Variants in AIM2 observed in about 807,000 individuals in gnomAD.
The protein encoded by AIM2 is interferon-inducible protein AIM2.
Under a neutral mutation model 27.7 loss-of-function variants are expected in AIM2, and 30 were observed. The observed-to-expected ratio is 1.08, with a 90% CI of 0.81 to 1.47. AIM2 has a LOEUF of 1.47. Among genes scored for constraint, AIM2 ranks in the 40% most tolerant of loss-of-function variants. The pLI is 0.00. For synonymous variants in AIM2, 141 were observed against 145.3 expected (o/e 0.97, Z 0.21); for missense variants, 358 against 411.3 (o/e 0.87, Z 1.12).
chr1:159,115,808 C>A (rs1189240801), intron 1 of AIM2, among the ~76,000 whole-genome samples: 6 of 152,076 alleles, frequency 3.9e-5, no homozygotes, highest in Non-Finnish European at 8.8e-5. Flanking sequence ...AAAGCAATGG[C>A]AACAAAAGCC....
intron 1 of AIM2, among the ~76,000 whole-genome samples, chr1:159,139,278 C>T (rs1648067900): frequency 6.6e-6 from 1 of 152,234 alleles, no homozygotes; most frequent in Admixed American, 6.5e-5. Context: ...AAACTCCAAT[C>T]AGACCTCTTA....
At chr1:159,083,427 G>A (rs1424007819) in intron 1 of AIM2, among the ~76,000 whole-genome samples, 1 of 152,228 alleles carries the variant, frequency 6.6e-6, no homozygotes, top group East Asian at 1.9e-4. Flanking sequence ...GTGGGAATTG[G>A]GAGTGGTAAG....
At chr1:159,087,314 G>A (rs1656937415) in intron 1 of AIM2, among the ~76,000 whole-genome samples, 3 of 112,136 alleles carry the variant, frequency 2.7e-5, no homozygotes, top group African/African-American at 7.5e-5. Context: ...TGGCAGTCAG[G>A]TGAGGTTGTG....
intron 3 of AIM2, among the ~76,000 whole-genome samples, chr1:159,067,724 GA>G (rs1392374078): frequency 6.6e-6 from 1 of 152,288 alleles, no homozygotes; most frequent in Non-Finnish European, 1.5e-5. Flanking sequence ...AAACCCAGAG[GA>G]AATGGTTCCT....
upstream of AIM2, among the ~76,000 whole-genome samples, chr1:159,077,616 C>A (rs1388076503): frequency 1.3e-5 from 2 of 152,168 alleles, no homozygotes; most frequent in South Asian, 2.1e-4. Context: ...GTGGGGCAAT[C>A]CCTCTGCTAA....
downstream of AIM2, among the ~76,000 whole-genome samples, chr1:159,058,901 G>C (rs1168184586): frequency 5.3e-5 from 8 of 152,124 alleles, no homozygotes; most frequent in Non-Finnish European, 4.4e-5. Flanking sequence ...CCGCCTCACA[G>C]TTTGAATTCC....
At chr1:159,129,884 G>C (rs1192627966) in intron 1 of AIM2, among the ~76,000 whole-genome samples, 3 of 151,998 alleles carry the variant, frequency 2.0e-5, no homozygotes, top group Non-Finnish European at 4.4e-5. Context: ...TCTCCCTCCA[G>C]CTCCCATCCC....
rs868429508 is a variant in AIM2, at chr1:159,130,844, G to A, written c.-16+9587C>T. On this transcript the variant is annotated intron_variant, in intron 1 of 2. Coordinates refer to the AIM2 transcript ENST00000368129. ...CACACACACACACACACACACACAC[G>A]CACGCACTCTTCAAATCTGTCATTG... Among the ~76,000 whole-genome samples, 111 of 130,134 alleles carry A rather than the reference G, an allele frequency of 8.5e-4. 1 individual carries two copies. Among genetic ancestry groups the A allele is most frequent in the Admixed American group, 3.3e-3 (44 of 13,180 alleles). 85.4% of individuals were successfully genotyped at this position (130,134 alleles called of 152,430 possible).
upstream of AIM2, among the ~76,000 whole-genome samples, chr1:159,145,271 C>T (rs2102063112): frequency 6.6e-6 from 1 of 152,276 alleles, no homozygotes; most frequent in East Asian, 1.9e-4. Flanking sequence ...AAAAGCCCTT[C>T]AGTCCTTTTC....
chr1:159,137,959 A>T (rs2102056415), intron 1 of AIM2, among the ~76,000 whole-genome samples: 1 of 152,310 alleles, frequency 6.6e-6, no homozygotes, highest in African/African-American at 2.4e-5. Context: ...GTGGGTCTTC[A>T]TATAGGTGCA....
upstream of AIM2, among the ~76,000 whole-genome samples, chr1:159,144,007 T>C (rs1231208331): frequency 1.3e-5 from 2 of 152,204 alleles, no homozygotes; most frequent in African/African-American, 4.8e-5. Context: ...TCCATCTTCA[T>C]AGGAAGTTGT....
chr1:159,066,860 A>C (rs943602231), intron 3 of AIM2, among the ~76,000 whole-genome samples: 2 of 152,188 alleles, frequency 1.3e-5, no homozygotes, highest in South Asian at 4.1e-4. Flanking sequence ...TAAGGGGGAG[A>C]CCTAGTTCAG....
downstream of AIM2, among the ~76,000 whole-genome samples, chr1:159,059,059 C>T (rs113635800): frequency 4.4e-3 from 672 of 152,226 alleles, 5 homozygotes; most frequent in African/African-American, 0.015. Context: ...CTCACTACTG[C>T]GAAGGTCCAA....
At chr1:159,115,493 C>T (rs541903843) in intron 1 of AIM2, among the ~76,000 whole-genome samples, 5 of 152,218 alleles carry the variant, frequency 3.3e-5, no homozygotes, top group Admixed American at 1.3e-4. Flanking sequence ...GAGATATAGA[C>T]CAATGGAACA....
chr1:159,134,036 A>T (rs1361021290), intron 1 of AIM2, among the ~76,000 whole-genome samples: 1 of 152,092 alleles, frequency 6.6e-6, no homozygotes, highest in African/African-American at 2.4e-5. Context: ...TCTCCCCCAA[A>T]CTTGGCCTTC....
At chr1:159,077,057 T>C (rs189810777), upstream of AIM2, among the ~76,000 whole-genome samples, 1 of 152,250 alleles carries the variant, frequency 6.6e-6, no homozygotes, top group East Asian at 1.9e-4. Context: ...ACAAGCACAC[T>C]GATCTCAGAG....
rs912386145 is a variant in AIM2 at position 159,103,732 on chromosome 1, TCTC to T, written c.-16+36696_-16+36698del. Among the ~76,000 whole-genome samples the T allele has an allele frequency of 7.9e-5, 12 of 152,280 alleles. No homozygotes were observed. In the East Asian group the frequency reaches 2.3e-3, roughly 29 times the overall value. ...CCCTTTTTCCACTGCCTTGCACACC[TCTC>T]CTTTCTTCTCACTTTCACTTCCATA... On this transcript the variant is annotated intron_variant, in intron 1 of 2. Coordinates refer to the AIM2 transcript ENST00000368129.
intron 1 of AIM2, among the ~76,000 whole-genome samples, chr1:159,125,543 G>A (rs1045796239): frequency 6.6e-6 from 1 of 152,162 alleles, no homozygotes; most frequent in Admixed American, 6.5e-5. Flanking sequence ...AGAGGGCCAC[G>A]GAAAGCCAGA....
At position 159,111,356 on chromosome 1, in the gene AIM2, G is replaced by A. The variant is rs1287978850; in HGVS notation, c.-16+29075C>T. Among the ~76,000 whole-genome samples, 3 of 152,172 alleles carry A rather than the reference G, an allele frequency of 2.0e-5. No individual in the cohort carries two copies. The South Asian group carries it at 6.2e-4, about 31-fold the overall frequency. On this transcript the variant is annotated intron_variant, in intron 1 of 2. Coordinates refer to the AIM2 transcript ENST00000368129. ...CATTACAAAGCAAAGCAAAATAGAC[G>A]TTGTTATTTAAAACTAGTTAGGTGG...
Sources: allele counts gnomAD v4.1 joint callset (sites outside exome capture counted in the v4.1 genomes callset), GRCh38; gene constraint gnomAD v4.1.1; transcripts MANE v1.5; gene names NCBI Gene and HGNC (gene_info 2026-07-23, HGNC 2026-07-21).